Variants in DLG2 observed in about 807,000 individuals in gnomAD.
DLG2 encodes the protein disks large homolog 2.
A neutral mutation model predicts 132.5 loss-of-function variants in DLG2; 45 were observed. The ratio of observed to expected loss-of-function variants is 0.34; its 90% CI spans 0.27 to 0.44. DLG2 has a LOEUF of 0.44. DLG2 is among the 20% of genes least tolerant of loss of function. DLG2 has a pLI of 1.00. For missense variants in DLG2, 1,045 were observed against 1,196.9 expected, an observed-to-expected ratio of 0.87 and a Z score of 1.87; for synonymous variants, 424 against 419.6, an observed-to-expected ratio of 1.01 and a Z score of -0.13.
At chr11:85,093,580 A>G (rs1286222889) in intron 6 of DLG2, among the ~76,000 whole-genome samples, 1 of 152,206 alleles carries the variant, frequency 6.6e-6, no homozygotes, top group Non-Finnish European at 1.5e-5. Flanking sequence ...AGGCCTCACA[A>G]TCATGGTGGA....
chr11:84,888,304 C>G (rs995420935), intron 6 of DLG2, among the ~76,000 whole-genome samples: 3 of 152,084 alleles, frequency 2.0e-5, no homozygotes, highest in Non-Finnish European at 2.9e-5. Context: ...GATTCAGGGT[C>G]TCAATAAAAC....
At chr11:84,945,068 G>C (rs554550976) in intron 6 of DLG2, among the ~76,000 whole-genome samples, 80 of 152,292 alleles carry the variant, frequency 5.3e-4, no homozygotes, top group African/African-American at 1.9e-3. Context: ...GTGAGGTCAT[G>C]TTTTCGTAGA....
intron 6 of DLG2, among the ~76,000 whole-genome samples, chr11:84,944,938 T>C (rs2050008557): frequency 6.6e-6 from 1 of 152,238 alleles, no homozygotes; most frequent in South Asian, 2.1e-4. Flanking sequence ...TGAATTCCTT[T>C]TGTGTTCTTT....
chr11:84,439,858 G>A (rs118180487), intron 7 of DLG2, among the ~76,000 whole-genome samples: 1 of 152,260 alleles, frequency 6.6e-6, no homozygotes, highest in East Asian at 1.9e-4. Flanking sequence ...TAACACCTTA[G>A]ACAGAATCAG....
chr11:83,716,441 G>A (rs2086719962), intron 18 of DLG2, among the ~76,000 whole-genome samples: 1 of 152,178 alleles, frequency 6.6e-6, no homozygotes, highest in Non-Finnish European at 1.5e-5. Flanking sequence ...GAACTTCAGT[G>A]TCTCTCAGTA....
intron 7 of DLG2, among the ~76,000 whole-genome samples, chr11:84,282,648 T>C (rs1252979984): frequency 6.6e-6 from 1 of 151,484 alleles, no homozygotes; most frequent in Non-Finnish European, 1.5e-5. Flanking sequence ...TGAAGAGGGG[T>C]TGGGGGAGAA....
intron 2 of DLG2, among the ~76,000 whole-genome samples, chr11:85,625,581 C>G (rs530113313): frequency 2.6e-5 from 4 of 152,164 alleles, no homozygotes; most frequent in Non-Finnish European, 5.9e-5. Context: ...TCCTCAACAT[C>G]CCTAACAAAT....
Position 85,065,799 on chromosome 11 carries a change from T to A in DLG2, c.357+45862A>T, listed in dbSNP as rs1424149659. On this transcript the variant is annotated intron_variant, in intron 6 of 27. Transcript: ENST00000376104. ...AATAGAGATAAAATATACCCAAATC[T>A]CTGGGGTACAGAAAAAGCAGTGCTA... Among the ~76,000 whole-genome samples the A allele has an allele frequency of 2.6e-5, 4 of 151,198 alleles. No homozygotes were observed. The East Asian group carries it at 5.9e-4, about 22-fold the overall frequency.
chr11:83,921,274 T>C (rs749721172), intron 15 of DLG2, among the ~76,000 whole-genome samples: 1 of 152,130 alleles, frequency 6.6e-6, no homozygotes, highest in Non-Finnish European at 1.5e-5. Context: ...TTACTATTAG[T>C]ACTATATGCC....
At position 85,182,815 on chromosome 11, in the gene DLG2, A is replaced by G. The variant is rs1038410944; in HGVS notation, c.187-28164T>C. Reference sequence around the variant, plus strand: ...CAAAAAGAAAAAAAAGGGGAGGCACAAAAGACACTTGAAACCAAGTGCAAC... The same window carrying G: ...CAAAAAGAAAAAAAAGGGGAGGCACGAAAGACACTTGAAACCAAGTGCAAC... On this transcript the variant is annotated intron_variant, in intron 4 of 27. Transcript: ENST00000376104. 2.0e-5 allele frequency among the ~76,000 whole-genome samples: 3 copies of G among 150,706 alleles called. 1 individual carries two copies. Among genetic ancestry groups the G allele is most frequent in the African/African-American group, 7.3e-5 (3 of 41,016 alleles).
chr11:83,968,281 G>T (rs921982463), intron 12 of DLG2, among the ~76,000 whole-genome samples: 1 of 152,136 alleles, frequency 6.6e-6, no homozygotes, highest in Non-Finnish European at 1.5e-5. Context: ...ATGTAGCCCA[G>T]GTTAGGGACT....
intron 6 of DLG2, among the ~76,000 whole-genome samples, chr11:84,990,655 T>C (rs2056991155): frequency 8.1e-6 from 1 of 124,010 alleles, no homozygotes; most frequent in African/African-American, 3.1e-5. Context: ...CATGATGAGA[T>C]ACCACCACAT....
intron 6 of DLG2, among the ~76,000 whole-genome samples, chr11:84,609,153 C>A (rs1165135118): frequency 6.6e-6 from 1 of 152,130 alleles, no homozygotes; most frequent in East Asian, 1.9e-4. Flanking sequence ...GTTTAGAATG[C>A]TGACTCAAGA....
intron 3 of DLG2, among the ~76,000 whole-genome samples, chr11:85,508,839 C>T (rs576286518): frequency 3.6e-4 from 54 of 152,074 alleles, no homozygotes; most frequent in African/African-American, 1.2e-3. Flanking sequence ...TAGCATCTGA[C>T]AGATAGTAGA....
At chr11:85,457,220 T>A (rs979623564) in intron 3 of DLG2, among the ~76,000 whole-genome samples, 1 of 151,256 alleles carries the variant, frequency 6.6e-6, no homozygotes, top group Non-Finnish European at 1.5e-5. Context: ...GGGCTTAAAG[T>A]CTCTTTTGTC....
intron 8 of DLG2, among the ~76,000 whole-genome samples, chr11:84,218,700 C>G (rs191621092): frequency 1.3e-5 from 2 of 152,192 alleles, no homozygotes; most frequent in African/African-American, 4.8e-5. Context: ...TATATTAGAC[C>G]AGCGATTTTC....
At chr11:85,362,552 T>C (rs2084242179) in intron 3 of DLG2, among the ~76,000 whole-genome samples, 1 of 152,086 alleles carries the variant, frequency 6.6e-6, no homozygotes, top group African/African-American at 2.4e-5. Context: ...GATCATATCA[T>C]CAGTGAGCAG....
chr11:83,897,690 C>A (rs927556139), intron 15 of DLG2, among the ~76,000 whole-genome samples: 1 of 152,076 alleles, frequency 6.6e-6, no homozygotes, highest in Admixed American at 6.6e-5. Flanking sequence ...TGTACAAGTA[C>A]TCTCTAGGAC....
rs201066142 is a variant in DLG2 at position 83,792,901 on chromosome 11, C to T, written c.1723-6109G>A. Reference sequence around the variant, plus strand: ...AAAAGTGTAGTATTAATTTATATGCCAACAAATAATATACGATTTTCAACT... The same window carrying T: ...AAAAGTGTAGTATTAATTTATATGCTAACAAATAATATACGATTTTCAACT... On this transcript the variant is annotated intron_variant, in intron 17 of 27. Transcript: ENST00000376104. Among the ~76,000 whole-genome samples, 5 of 152,114 alleles carry T rather than the reference C, an allele frequency of 3.3e-5. No homozygotes were observed. In the East Asian group the frequency reaches 9.6e-4, roughly 29 times the overall value.
Sources: allele counts gnomAD v4.1 joint callset (sites outside exome capture counted in the v4.1 genomes callset), GRCh38; gene constraint gnomAD v4.1.1; transcripts MANE v1.5; gene names NCBI Gene and HGNC (gene_info 2026-07-23, HGNC 2026-07-21).